CACNA1B: variants seen among roughly 807,000 people sequenced by gnomAD.
CACNA1B encodes calcium voltage-gated channel subunit alpha1 B.
CACNA1B carries 70 observed loss-of-function variants against 247.2 expected under a neutral mutation model. The observed-to-expected ratio is 0.28, with a 90% confidence interval of 0.23 to 0.35. The LOEUF is 0.35. CACNA1B is among the 10% of genes least tolerant of loss of function. CACNA1B has a pLI of 1.00. For synonymous variants in CACNA1B, 1,231 were observed against 1,294.4 expected (o/e 0.95, Z 1.05); for missense variants, 2,367 against 3,197.4 (o/e 0.74, Z 6.26).
intron 34 of CACNA1B, among the ~76,000 whole-genome samples, chr9:138,074,736 G>A (rs1254815429): frequency 6.6e-6 from 1 of 152,358 alleles, no homozygotes; most frequent in Admixed American, 6.5e-5. Flanking sequence ...AGGGTGTCGG[G>A]GCACAGGTCA....
chr9:138,083,923 G>A (rs1960609424), intron 36 of CACNA1B, among the ~76,000 whole-genome samples: 1 of 150,732 alleles, frequency 6.6e-6, no homozygotes, highest in Non-Finnish European at 1.5e-5. Context: ...ACTACATGGT[G>A]CCTTTTCCCC....
intron 32 of CACNA1B, among the ~76,000 whole-genome samples, chr9:138,071,382 G>C (rs982503426): frequency 6.6e-6 from 1 of 152,358 alleles, no homozygotes; most frequent in East Asian, 1.9e-4. Flanking sequence ...GTCTGCCTCC[G>C]AGGGGCTGGC....
chr9:138,037,968 T>C (rs1024107067), intron 20 of CACNA1B, among the ~76,000 whole-genome samples: 5 of 152,252 alleles, frequency 3.3e-5, no homozygotes, highest in African/African-American at 1.2e-4. Flanking sequence ...ATTTTGACTT[T>C]TTCTGTAAGA....
intron 15 of CACNA1B, among the ~76,000 whole-genome samples, chr9:137,996,868 GAA>G (rs1958507187): frequency 6.6e-6 from 1 of 151,222 alleles, no homozygotes; most frequent in Non-Finnish European, 1.5e-5. Context: ...TATCAGAAAA[GAA>G]AAATACAGAT....
chr9:138,037,258 C>T (rs777947587), intron 20 of CACNA1B, among the ~76,000 whole-genome samples: 18 of 152,316 alleles, frequency 1.2e-4, no homozygotes, highest in East Asian at 3.9e-4. Flanking sequence ...TATTGTGGAC[C>T]GTGGCCTCTG....
intron 3 of CACNA1B, among the ~76,000 whole-genome samples, chr9:137,900,133 G>T (rs1344964602): frequency 6.6e-6 from 1 of 152,208 alleles, no homozygotes; most frequent in Non-Finnish European, 1.5e-5. Flanking sequence ...GGCCTGACTG[G>T]GGTGTGCCCC....
In CACNA1B at chr9:138,049,192, G is replaced by A; in HGVS notation, c.3604-17G>A. On this transcript the variant is annotated splice_polypyrimidine_tract_variant and intron_variant, in intron 23 of 46. Transcript: ENST00000371372. ...TTCTGGACTATGACGTATCTAACGT[G>A]TGTTTCTCCCTCCTAGATGATCGAC... is the stretch of plus-strand genomic sequence containing the variant. The A allele has an allele frequency of 1.3e-6, 2 of 1,510,898 alleles. No individual in the cohort carries two copies. Among genetic ancestry groups the A allele is most frequent in the Non-Finnish European group, 1.8e-6 (2 of 1,085,778 alleles). 93.6% of individuals were successfully genotyped at this position (1,510,898 alleles called of 1,614,324 possible).
At chr9:137,951,297 A>G (rs933091488) in intron 6 of CACNA1B, among the ~76,000 whole-genome samples, 1 of 152,256 alleles carries the variant, frequency 6.6e-6, no homozygotes, top group African/African-American at 2.4e-5. Context: ...AGGAACCACG[A>G]GCTTCAGTCC....
In CACNA1B at chr9:138,046,921, A is replaced by G. The variant is rs769148656; in HGVS notation, c.3431A>G (p.His1144Arg). 1.2e-6 allele frequency: 2 copies of G among 1,613,626 alleles called. No homozygotes were observed. Among genetic ancestry groups the G allele is most frequent in the Non-Finnish European group, 1.7e-6 (2 of 1,179,624 alleles). The change falls in exon 22 of 47, where the codon CAC (histidine) becomes CGC (arginine). Residue 1144 changes from histidine (H) to arginine (R), a missense_variant. Around this residue, in one of 12 missense-constraint regions of CACNA1B, gnomAD observed 631 missense variants for 631.1 expected, o/e 1.00. Coordinates refer to ENST00000371372, the MANE Select transcript of CACNA1B (RefSeq NM_000718.4). ...CCTCACAGGCTCCGCCGCTTCTGCC[A>G]CTACATCGTGACCATGAGGTACTTC... ...SPTNLLRRFCHYIVTMRYFEV... is the reference protein window; with the variant it reads ...SPTNLLRRFCRYIVTMRYFEV...
chr9:137,962,298 C>T lies in CACNA1B; in HGVS notation c.1333+4611C>T, dbSNP rs1589035606. Among the ~76,000 whole-genome samples the T allele has an allele frequency of 2.9e-5, 4 of 139,688 alleles. No homozygotes were observed. In the South Asian group the frequency reaches 9.2e-4, roughly 32 times the overall value. 91.6% of individuals were successfully genotyped at this position (139,688 alleles called of 152,430 possible). On this transcript the variant is annotated intron_variant, in intron 10 of 46. Transcript: ENST00000371372. The stretch of plus-strand genomic sequence containing the variant: ...CTTTTTTTTTAGTCTAGCTAGTGGT[C>T]TATCTATTTTATTAATTTTTTTTTT...
rs570323027 is a variant in CACNA1B at position 137,893,171 on chromosome 9, A to G, written c.530+10288A>G. ...GGTGAAGGCCCGGTGCACAGCTGCT[A>G]GAAGTGAGCAGCACAGCTCCTGAGA... On this transcript the variant is annotated intron_variant, in intron 3 of 46. Coordinates refer to ENST00000371372, the MANE Select transcript of CACNA1B (RefSeq NM_000718.4). Among the ~76,000 whole-genome samples the G allele has an allele frequency of 7.9e-5, 12 of 151,934 alleles. No individual in the cohort carries two copies. In the East Asian group the frequency reaches 1.9e-3, roughly 25 times the overall value.
rs202016167 is a variant in CACNA1B at position 137,986,488 on chromosome 9, G to A, written c.1845G>A (p.Leu615=). ...AGTCCATCATCAGCCTGCTCTTCTT[G>A]CTCTTCCTGTTCATTGTGGTCTTCG... is the stretch of plus-strand genomic sequence containing the variant. The part of the protein sequence containing the change: ...SMKSIISLLF[L]LFLFIVVFAL... The change falls in exon 14 of 47, where the codon TTG becomes TTA. Residue 615 remains leucine (L), a synonymous_variant. Transcript: ENST00000371372. The surrounding 1 kb of genome is among the most constrained non-coding windows in gnomAD (Gnocchi z 6.0). The A allele has an allele frequency of 5.6e-6, 9 of 1,613,910 alleles. 1 individual carries two copies. The South Asian group carries it at 9.9e-5, about 18-fold the overall frequency.
intron 17 of CACNA1B, 58 bp from the exon 18 acceptor site, chr9:138,013,071 G>A: frequency 8.2e-7 from 1 of 1,220,414 alleles, no homozygotes. Context: ...TATATAGCCA[G>A]TGTTAGAGTG....
At chr9:138,099,344 C>T (rs1001324571) in intron 37 of CACNA1B, among the ~76,000 whole-genome samples, 4 of 152,172 alleles carry the variant, frequency 2.6e-5, no homozygotes, top group Non-Finnish European at 5.9e-5. Context: ...TATATGTGTG[C>T]CTGTGTGTAT....
At chr9:138,104,644 A>G (rs1961362972) in intron 38 of CACNA1B, among the ~76,000 whole-genome samples, 1 of 152,168 alleles carries the variant, frequency 6.6e-6, no homozygotes. Flanking sequence ...ATTTGGGGCC[A>G]TGATGCTAGG....
chr9:138,073,545 C>G lies in CACNA1B; in HGVS notation c.4732C>G (p.Leu1578Val). The change falls in exon 33 of 47, where the codon CTG becomes GTG. Residue 1578 changes from leucine to valine, a missense_variant. Physicochemically the swap from Leu to Val is conservative, Grantham distance 32 (BLOSUM62 1). Around this residue, in one of 12 missense-constraint regions of CACNA1B, gnomAD observed 436 missense variants for 679.5 expected, o/e 0.64. Transcript: ENST00000371372. The surrounding 1 kb of genome is among the most constrained non-coding windows in gnomAD (Gnocchi z 6.4). The stretch of plus-strand genomic sequence containing the variant: ...CTTTCGAGCTGCGCGGCTGATCAAG[C>G]TGCTCCGCCAGGGCTACACCATCCG... ...RLFRAARLIKLLRQGYTIRIL... is the reference protein window; with the variant it reads ...RLFRAARLIKVLRQGYTIRIL... 1 of 1,613,584 alleles carries G rather than the reference C, an allele frequency of 6.2e-7. No individual in the cohort carries two copies.
rs374094317 is a variant in CACNA1B, at chr9:137,906,156, T to C, written c.531-7024T>C. Among the ~76,000 whole-genome samples the C allele has an allele frequency of 5.9e-5, 9 of 152,298 alleles. No individual in the cohort carries two copies. In the East Asian group the frequency reaches 1.7e-3, roughly 29 times the overall value. On this transcript the variant is annotated intron_variant, in intron 3 of 46. Transcript: ENST00000371372. ...AATGTCCAGCCTGGGTCTACACAAC[T>C]TTGAATTCTTCGTCAAAAAAGAAGA...
chr9:138,116,739 G>C (rs1167371498), intron 42 of CACNA1B, among the ~76,000 whole-genome samples: 1 of 152,210 alleles, frequency 6.6e-6, no homozygotes, highest in Non-Finnish European at 1.5e-5. Flanking sequence ...CACACCTCTG[G>C]CCTTGGACGT....
rs568726675 is a variant in CACNA1B, at chr9:138,113,842, T to C, written c.5537-536T>C. Among the ~76,000 whole-genome samples, 214 of 141,944 alleles carry C rather than the reference T, an allele frequency of 1.5e-3. 3 individuals carry two copies. Among genetic ancestry groups the C allele is most frequent in the Admixed American group, 9.4e-3 (135 of 14,330 alleles). 93.1% of individuals were successfully genotyped at this position (141,944 alleles called of 152,430 possible). ...CGCCGGGAGGTGCCCAACTCCATCT[T>C]GTGGGAGACGTGAGGGAGTGCCGGG... On this transcript the variant is annotated intron_variant, in intron 40 of 46. Coordinates refer to ENST00000371372, the MANE Select transcript of CACNA1B (RefSeq NM_000718.4).
Sources: allele counts gnomAD v4.1 joint callset (sites outside exome capture counted in the v4.1 genomes callset), GRCh38; gene constraint gnomAD v4.1.1; regional missense constraint gnomAD v4.1.1; non-coding constraint Gnocchi (gnomAD v3.1); transcripts MANE v1.5; gene names NCBI Gene and HGNC (gene_info 2026-07-23, HGNC 2026-07-21).